The following TRPM8 variants were observed in gnomAD, a reference collection of about 807,000 sequenced individuals.
The protein encoded by TRPM8 is transient receptor potential cation channel subfamily M member 8.
TRPM8 carries 110 observed loss-of-function variants against 133.7 expected under a neutral mutation model. The ratio of observed to expected loss-of-function variants is 0.82; its 90% confidence interval spans 0.70 to 0.96. The LOEUF (loss-of-function observed/expected upper bound fraction) is 0.96. Ranked by LOEUF, TRPM8 falls within the 40% of genes least tolerant of loss-of-function variation. The pLI is 0.00. For missense variants in TRPM8, 1,291 were observed against 1,379.5 expected, an observed-to-expected ratio of 0.94 and a Z score of 1.02; for synonymous variants, 535 against 532.3, an observed-to-expected ratio of 1.01 and a Z score of -0.07.
At chr2:233,966,846 A>C in intron 15 of TRPM8, 91 bp downstream of exon 15, 1 of 1,393,934 alleles carries the variant, frequency 7.2e-7, no homozygotes, top group Non-Finnish European at 9.5e-7. Flanking sequence ...GTAAAAACAA[A>C]CCTTATTCTC....
intron 1 of TRPM8, among the ~76,000 whole-genome samples, chr2:233,918,956 C>G (rs903297062): frequency 6.6e-6 from 1 of 152,024 alleles, no homozygotes; most frequent in Non-Finnish European, 1.5e-5. Flanking sequence ...GTGTGGGGCC[C>G]TTTGGAGCAT....
At chr2:233,959,033 G>A (rs886776532) in intron 11 of TRPM8, among the ~76,000 whole-genome samples, 1 of 151,636 alleles carries the variant, frequency 6.6e-6, no homozygotes, top group Non-Finnish European at 1.5e-5. Flanking sequence ...TTCTTGGGGG[G>A]CGGGGGCGGG....
In TRPM8 at chr2:233,989,074, C is replaced by T. The variant is rs17864768; in HGVS notation, c.2939+3209C>T. On this transcript the variant is annotated intron_variant, in intron 21 of 25. Coordinates refer to ENST00000324695, the MANE Select transcript of TRPM8 (RefSeq NM_024080.5). The surrounding 1 kb of genome is among the most constrained non-coding windows in gnomAD (Gnocchi z 4.2). ...CTAAAACCATGGCCTTTGAGTTATG[C>T]TAACTTGGTAAATCTCAACGAGGCA... 0.074 allele frequency among the ~76,000 whole-genome samples: 11,240 copies of T among 152,232 alleles called. 553 individuals are homozygous for T. Among genetic ancestry groups the T allele is most frequent in the East Asian group, 0.24 (1,219 of 5,170 alleles).
Position 233,927,753 on chromosome 2 carries a change from T to C in TRPM8, c.117+1099T>C, listed in dbSNP as rs1380703660. On this transcript the variant is annotated intron_variant, in intron 2 of 25. Transcript: ENST00000324695. ...TTCTTTCTTTCTTTCTTTCTTTCTTTCTTTCTTTCTTTCTTTCTTTCTTTC... is the reference window on the plus strand; with the variant it reads ...TTCTTTCTTTCTTTCTTTCTTTCTTCCTTTCTTTCTTTCTTTCTTTCTTTC... 5.2e-4 allele frequency among the ~76,000 whole-genome samples: 35 copies of C among 66,830 alleles called. No individual in the cohort carries two copies. The African/African-American group carries it at 6.3e-3, about 12-fold the overall frequency. The allele number at this position is 66,830 out of a possible 152,430, so 43.8% of individuals were successfully genotyped here.
intron 19 of TRPM8, among the ~76,000 whole-genome samples, chr2:233,982,349 C>A (rs1257534705): frequency 2.6e-5 from 4 of 152,152 alleles, no homozygotes; most frequent in Non-Finnish European, 5.9e-5. Context: ...AATATAGATA[C>A]AGGGAAAGGC....
At chr2:233,956,007 C>T (rs957039712) in intron 11 of TRPM8, among the ~76,000 whole-genome samples, 2 of 152,196 alleles carry the variant, frequency 1.3e-5, no homozygotes, top group African/African-American at 4.8e-5. Context: ...CACTGCCACC[C>T]ATCACCCCCA....
At chr2:234,016,977 A>G (rs1237067770) in intron 25 of TRPM8, among the ~76,000 whole-genome samples, 1 of 152,226 alleles carries the variant, frequency 6.6e-6, no homozygotes, top group Non-Finnish European at 1.5e-5. Context: ...TTAAAAATTT[A>G]TGCAGAAACC....
chr2:233,971,145 C>T (rs1691703956), intron 17 of TRPM8, among the ~76,000 whole-genome samples: 1 of 152,140 alleles, frequency 6.6e-6, no homozygotes, highest in Admixed American at 6.5e-5. Flanking sequence ...CACTGTTGTC[C>T]CCTCTGAACC....
intron 2 of TRPM8, among the ~76,000 whole-genome samples, chr2:233,929,061 C>A (rs112260401): frequency 6.7e-6 from 1 of 149,874 alleles, no homozygotes. Context: ...GACGTGTAAC[C>A]ATTGTTGATT....
At chr2:233,940,287 T>A (rs544096377) in intron 5 of TRPM8, among the ~76,000 whole-genome samples, 5 of 151,598 alleles carry the variant, frequency 3.3e-5, no homozygotes, top group Non-Finnish European at 7.4e-5. Flanking sequence ...GACATGGGTT[T>A]TTTTTTTTTT....
chr2:233,997,669 C>G (rs920396248), intron 22 of TRPM8, among the ~76,000 whole-genome samples: 1 of 151,972 alleles, frequency 6.6e-6, no homozygotes, highest in Non-Finnish European at 1.5e-5. Flanking sequence ...CTGGTGGCTC[C>G]CCCCTACCCC....
intron 25 of TRPM8, 58 bp downstream of exon 25, chr2:234,014,712 A>T: frequency 1.6e-6 from 1 of 619,396 alleles, no homozygotes; most frequent in South Asian, 2.5e-5. Context: ...TTTAAGACTA[A>T]TTTAAGATCA....
At chr2:233,969,987 T>C (rs1234144487) in intron 16 of TRPM8, 180 bp downstream of exon 16, 2 of 664,092 alleles carry the variant, frequency 3.0e-6, no homozygotes, top group South Asian at 1.9e-5. Flanking sequence ...CTTAAATGGG[T>C]AGGGGTGGGG....
At chr2:233,959,401 A>C (rs913025105) in intron 11 of TRPM8, among the ~76,000 whole-genome samples, 10 of 142,260 alleles carry the variant, frequency 7.0e-5, no homozygotes, top group Non-Finnish European at 1.5e-4. Flanking sequence ...ATCTTGGCTC[A>C]CTGCAACCTC....
chr2:233,942,644 A>T lies in TRPM8; in HGVS notation c.595A>T (p.Asn199Tyr). 1 of 1,614,206 alleles carries T rather than the reference A, an allele frequency of 6.2e-7. No individual in the cohort carries two copies. Among genetic ancestry groups the T allele is most frequent in the Non-Finnish European group, 8.5e-7 (1 of 1,180,034 alleles). The stretch of plus-strand genomic sequence containing the variant: ...GTACATCGGGGAGGTGGTGAGAGAT[A>T]ACACCATCAGCAGGAGTTCAGAGGA... ...MKYIGEVVRD[N>Y]TISRSSEENI... Residue 199 changes from asparagine to tyrosine, a missense_variant, in exon 6 of 26, where the codon AAC becomes TAC. By Grantham distance (143) the Asn-to-Tyr change is moderately radical. Coordinates refer to ENST00000324695, the MANE Select transcript of TRPM8 (RefSeq NM_024080.5).
chr2:233,952,400 G>T (rs17862929), intron 9 of TRPM8, among the ~76,000 whole-genome samples: 313 of 152,208 alleles, frequency 2.1e-3, no homozygotes, highest in Middle Eastern at 0.014. Flanking sequence ...TTTCTGGAAG[G>T]CTTCCCGGAG....
intron 7 of TRPM8, 46 bp downstream of exon 7, chr2:233,946,076 G>A: frequency 6.4e-7 from 1 of 1,554,180 alleles, no homozygotes; most frequent in Non-Finnish European, 8.8e-7. Flanking sequence ...AATAACCACA[G>A]CAGCCACAGC....
At position 234,018,202 on chromosome 2, in the gene TRPM8, T is replaced by C. The variant is rs1693004020; in HGVS notation, c.*946T>C. 1 of 152,144 alleles carries C rather than the reference T, an allele frequency of 6.6e-6. No homozygotes were observed. Among genetic ancestry groups the C allele is most frequent in the Non-Finnish European group, 1.5e-5 (1 of 68,014 alleles). 9.4% of individuals were successfully genotyped at this position (152,144 alleles called of 1,614,324 possible). ...CTACATATATACTTTTTATGTAAGC[T>C]TTTTCACTTAGTATTTTATCAAATA... On this transcript the variant is annotated 3_prime_UTR_variant, in exon 26 of 26. Coordinates refer to ENST00000324695, the MANE Select transcript of TRPM8 (RefSeq NM_024080.5).
chr2:234,007,263 C>T (rs559274785), intron 23 of TRPM8, among the ~76,000 whole-genome samples: 6 of 152,210 alleles, frequency 3.9e-5, no homozygotes, highest in South Asian at 2.1e-4. Flanking sequence ...CTGCTGCGGC[C>T]GCAGAGGTGG....
Sources: allele counts gnomAD v4.1 joint callset (sites outside exome capture counted in the v4.1 genomes callset), GRCh38; gene constraint gnomAD v4.1.1; non-coding constraint Gnocchi (gnomAD v3.1); transcripts MANE v1.5; gene names NCBI Gene and HGNC (gene_info 2026-07-23, HGNC 2026-07-21).